The following SPOCK1 variants were observed in gnomAD, a reference collection of about 807,000 sequenced individuals.
The protein encoded by SPOCK1 is testican-1.
SPOCK1 carries 23 observed loss-of-function variants against 55.3 expected under a neutral mutation model. The observed-to-expected ratio is 0.42, with a 90% CI of 0.30 to 0.59. SPOCK1 has a LOEUF of 0.59. SPOCK1 is among the 20% of genes least tolerant of loss of function. The probability of loss-of-function intolerance (pLI) is 0.22; values close to 1 mark genes in which losing one functional copy is unlikely to be tolerated. For missense variants in SPOCK1, 499 were observed against 552.5 expected (o/e 0.90, Z 0.97); for synonymous variants, 226 against 221.0 (o/e 1.02, Z -0.20).
chr5:137,147,928 T>C (rs1754235002), intron 3 of SPOCK1, among the ~76,000 whole-genome samples: 1 of 152,196 alleles, frequency 6.6e-6, no homozygotes, highest in Non-Finnish European at 1.5e-5. Context: ...GAAAACCAAT[T>C]TGAAACGGTA....
chr5:137,039,598 A>G (rs1751955665), intron 6 of SPOCK1, among the ~76,000 whole-genome samples: 1 of 152,186 alleles, frequency 6.6e-6, no homozygotes, highest in South Asian at 2.1e-4. Context: ...CATCCATGCA[A>G]CAGGTCCCAC....
chr5:137,318,759 C>T (rs1307666628), intron 2 of SPOCK1, among the ~76,000 whole-genome samples: 1 of 152,112 alleles, frequency 6.6e-6, no homozygotes, highest in Non-Finnish European at 1.5e-5. Context: ...CTCTAAAAAC[C>T]AGAGCATATA....
rs1758019673 is a variant in SPOCK1 at position 137,323,608 on chromosome 5, T to C, written c.187-56553A>G. On this transcript the variant is annotated intron_variant, in intron 2 of 10. Coordinates refer to ENST00000394945, the MANE Select transcript of SPOCK1 (RefSeq NM_004598.4). Reference sequence around the variant, plus strand: ...TTAGAAGGGATTAATATCCAAAATATATCAAGAACTCAAATAACAGCAAGA... The same window carrying C: ...TTAGAAGGGATTAATATCCAAAATACATCAAGAACTCAAATAACAGCAAGA... Among the ~76,000 whole-genome samples the C allele has an allele frequency of 2.0e-5, 3 of 151,606 alleles. No homozygotes were observed. In the South Asian group the frequency reaches 6.3e-4, roughly 32 times the overall value.
chr5:137,386,686 A>T (rs918574944), intron 2 of SPOCK1, among the ~76,000 whole-genome samples: 1 of 152,216 alleles, frequency 6.6e-6, no homozygotes, highest in African/African-American at 2.4e-5. Flanking sequence ...TATGTGTAAA[A>T]TACAAAACTA....
At chr5:137,003,046 A>G (rs1751179865) in intron 6 of SPOCK1, among the ~76,000 whole-genome samples, 1 of 152,222 alleles carries the variant, frequency 6.6e-6, no homozygotes, top group African/African-American at 2.4e-5. Flanking sequence ...CTTTGAATAA[A>G]GTGATTTATT....
intron 2 of SPOCK1, among the ~76,000 whole-genome samples, chr5:137,403,723 T>G (rs779948459): frequency 2.0e-5 from 3 of 151,852 alleles, no homozygotes; most frequent in Non-Finnish European, 2.9e-5. Context: ...AGGTCTGGCT[T>G]GTTCAAAAAA....
intron 2 of SPOCK1, among the ~76,000 whole-genome samples, chr5:137,492,111 C>G (rs575318972): frequency 3.5e-4 from 53 of 152,288 alleles, no homozygotes; most frequent in African/African-American, 1.2e-3. Context: ...TACCCTTCTA[C>G]CATCCATCAA....
rs746603967 is a variant in SPOCK1, at chr5:137,322,998, C to T, written c.187-55943G>A. ...AGAGAGTAAAAGGAAGATGAACTCT[C>T]CCTTTTATAACAAACCCACTCGTGC... On this transcript the variant is annotated intron_variant, in intron 2 of 10. Transcript: ENST00000394945. Among the ~76,000 whole-genome samples the T allele has an allele frequency of 3.3e-5, 5 of 152,232 alleles. No homozygotes were observed. The South Asian group carries it at 1.0e-3, about 32-fold the overall frequency.
chr5:137,281,093 T>C (rs946476277), intron 2 of SPOCK1, among the ~76,000 whole-genome samples: 1 of 152,202 alleles, frequency 6.6e-6, no homozygotes, highest in African/African-American at 2.4e-5. Flanking sequence ...AAACATGGAT[T>C]ACTTCTTAAA....
intron 3 of SPOCK1, among the ~76,000 whole-genome samples, chr5:137,170,339 G>A (rs1754729539): frequency 6.6e-6 from 1 of 152,122 alleles, no homozygotes; most frequent in African/African-American, 2.4e-5. Flanking sequence ...CTGTACCTAT[G>A]GTGTTCCAGG....
At chr5:137,363,692 G>C (rs1750998324) in intron 2 of SPOCK1, among the ~76,000 whole-genome samples, 1 of 152,220 alleles carries the variant, frequency 6.6e-6, no homozygotes, top group Non-Finnish European at 1.5e-5. Context: ...GCACGAGGCA[G>C]ATACCAGGTG....
At chr5:137,335,589 C>G (rs1204485010) in intron 2 of SPOCK1, among the ~76,000 whole-genome samples, 1 of 152,174 alleles carries the variant, frequency 6.6e-6, no homozygotes, top group Non-Finnish European at 1.5e-5. Context: ...TGCTTACGGC[C>G]TCTGCAATTG....
intron 2 of SPOCK1, among the ~76,000 whole-genome samples, chr5:137,418,650 T>C (rs1176358245): frequency 6.6e-6 from 1 of 152,136 alleles, no homozygotes; most frequent in Non-Finnish European, 1.5e-5. Context: ...TTTGATGGGG[T>C]TGTTTTTTTC....
At chr5:137,309,225 G>T (rs1235016775) in intron 2 of SPOCK1, among the ~76,000 whole-genome samples, 1 of 152,152 alleles carries the variant, frequency 6.6e-6, no homozygotes, top group Non-Finnish European at 1.5e-5. Flanking sequence ...AGACTCCCAA[G>T]GGGAACAGCT....
intron 2 of SPOCK1, among the ~76,000 whole-genome samples, chr5:137,457,328 A>G (rs1370671128): frequency 6.6e-6 from 1 of 152,244 alleles, no homozygotes. Flanking sequence ...CTATCCATGC[A>G]GGATGAGTCT....
chr5:137,318,223 C>G (rs1299992861), intron 2 of SPOCK1, among the ~76,000 whole-genome samples: 2 of 152,150 alleles, frequency 1.3e-5, no homozygotes, highest in Non-Finnish European at 2.9e-5. Context: ...AGCTGTCCCC[C>G]CGCTGCCTCC....
intron 2 of SPOCK1, among the ~76,000 whole-genome samples, chr5:137,348,604 A>T (rs1286597257): frequency 2.0e-5 from 3 of 152,152 alleles, no homozygotes; most frequent in Admixed American, 1.3e-4. Context: ...GCTTCAACAT[A>T]CAACTATAAT....
chr5:137,029,873 C>T (rs750643442), intron 6 of SPOCK1, among the ~76,000 whole-genome samples: 25 of 152,138 alleles, frequency 1.6e-4, no homozygotes, highest in Non-Finnish European at 2.9e-4. Flanking sequence ...GAGGAGGTTC[C>T]GTTTTGTTTA....
intron 9 of SPOCK1, among the ~76,000 whole-genome samples, chr5:136,979,951 T>G (rs1364781149): frequency 1.3e-5 from 2 of 152,202 alleles, no homozygotes; most frequent in Non-Finnish European, 2.9e-5. Context: ...GAAATTGTTA[T>G]AAAACTTTCT....
Sources: gnomAD v4.1 joint callset for allele counts (sites outside exome capture counted in the v4.1 genomes callset) on GRCh38, gnomAD v4.1.1 for gene constraint, MANE v1.5 for transcripts, NCBI Gene and HGNC (gene_info 2026-07-23, HGNC 2026-07-21) for gene names.